ORC4: variants seen among roughly 807,000 people sequenced by gnomAD.
ORC4 encodes the protein origin recognition complex, subunit 4 homolog.
ORC4 carries 55 observed loss-of-function variants against 63.9 expected under a neutral mutation model. The observed-to-expected ratio is 0.86, with a 90% CI of 0.69 to 1.08. ORC4 has a LOEUF of 1.08. ORC4 is among the 50% of genes least tolerant of loss of function. The pLI, the probability that ORC4 is intolerant of heterozygous loss-of-function variation, is 0.00. For missense variants in ORC4, 511 were observed against 504.4 expected, an observed-to-expected ratio of 1.01 and a Z score of -0.13; for synonymous variants, 150 against 168.5, an observed-to-expected ratio of 0.89 and a Z score of 0.85.
At chr2:147,947,557 C>A (rs1371917454) in intron 9 of ORC4, 1 of 152,610 alleles carries the variant, frequency 6.6e-6, no homozygotes, top group Non-Finnish European at 1.5e-5. Flanking sequence ...GATGTGATCA[C>A]CTATTAGATA....
upstream of ORC4, chr2:148,021,442 A>G: frequency 1.8e-6 from 1 of 563,912 alleles, no homozygotes; most frequent in Non-Finnish European, 3.4e-6. Context: ...TCTTAGCAAC[A>G]CAGACCCTTT....
intron 1 of ORC4, among the ~76,000 whole-genome samples, chr2:148,018,481 G>T (rs1693453114): frequency 6.6e-6 from 1 of 152,104 alleles, no homozygotes; most frequent in Non-Finnish European, 1.5e-5. Context: ...ATTCATAATA[G>T]CATTGTTCAT....
chr2:148,010,540 G>A (rs1240348861), intron 1 of ORC4, among the ~76,000 whole-genome samples: 1 of 151,930 alleles, frequency 6.6e-6, no homozygotes, highest in Non-Finnish European at 1.5e-5. Context: ...AAATTCAAAG[G>A]ATCATTGGAG....
chr2:147,986,379 T>C (rs1437023013), intron 1 of ORC4, among the ~76,000 whole-genome samples: 4 of 152,144 alleles, frequency 2.6e-5, no homozygotes, highest in Non-Finnish European at 5.9e-5. Context: ...TTAAAAGCTA[T>C]ACTTGCATCA....
chr2:147,999,679 G>A (rs940429798), intron 1 of ORC4, among the ~76,000 whole-genome samples: 1 of 151,974 alleles, frequency 6.6e-6, no homozygotes, highest in Non-Finnish European at 1.5e-5. Flanking sequence ...CTAGAAAAAA[G>A]GTTTCCAAAC....
chr2:147,962,703 C>T (rs550412933), intron 4 of ORC4, among the ~76,000 whole-genome samples: 22 of 152,130 alleles, frequency 1.4e-4, no homozygotes, highest in African/African-American at 4.8e-4. Context: ...AGGAGAGGCC[C>T]CCGAGCATCC....
At chr2:147,955,197 T>C in intron 7 of ORC4, 150 bp downstream of exon 7, 1 of 613,656 alleles carries the variant, frequency 1.6e-6, no homozygotes, top group Non-Finnish European at 2.9e-6. Context: ...GTTATAGTGG[T>C]GGGAATACAG....
chr2:148,013,990 G>C (rs1693120774), intron 1 of ORC4, among the ~76,000 whole-genome samples: 1 of 152,106 alleles, frequency 6.6e-6, no homozygotes, highest in South Asian at 2.1e-4. Flanking sequence ...TTCCTGTCTA[G>C]AAGAAAAGGC....
At chr2:148,000,682 T>G (rs1692247830) in intron 1 of ORC4, among the ~76,000 whole-genome samples, 1 of 152,098 alleles carries the variant, frequency 6.6e-6, no homozygotes, top group Non-Finnish European at 1.5e-5. Flanking sequence ...CTGCAGCACA[T>G]AAGAATGCTC....
intron 11 of ORC4, among the ~76,000 whole-genome samples, 187 bp downstream of exon 11, chr2:147,938,953 G>A (rs956150598): frequency 3.3e-5 from 5 of 152,076 alleles, no homozygotes; most frequent in Non-Finnish European, 5.9e-5. Flanking sequence ...GAGGCAGAGC[G>A]TCAAATTTTT....
chr2:148,008,467 T>C (rs1195081812), intron 1 of ORC4, among the ~76,000 whole-genome samples: 1 of 152,230 alleles, frequency 6.6e-6, no homozygotes, highest in Non-Finnish European at 1.5e-5. Context: ...AAATTTCTTT[T>C]CAAAGAATTA....
intron 6 of ORC4, among the ~76,000 whole-genome samples, chr2:147,956,768 T>C (rs1277888590): frequency 6.6e-6 from 1 of 152,084 alleles, no homozygotes; most frequent in Non-Finnish European, 1.5e-5. Context: ...CTATATATGA[T>C]AATAATAGCG....
intron 3 of ORC4, among the ~76,000 whole-genome samples, chr2:147,973,113 C>G (rs1386957553): frequency 6.6e-6 from 1 of 152,120 alleles, no homozygotes; most frequent in Admixed American, 6.5e-5. Context: ...TCTCGGGACC[C>G]TTGGATTCAA....
At chr2:147,997,830 A>G (rs1692061044) in intron 1 of ORC4, among the ~76,000 whole-genome samples, 1 of 152,206 alleles carries the variant, frequency 6.6e-6, no homozygotes, top group Non-Finnish European at 1.5e-5. Flanking sequence ...GTACTTTACA[A>G]TTTGAATATA....
chr2:147,958,070 T>TTCTTAGCTA (rs1689363185), intron 6 of ORC4, among the ~76,000 whole-genome samples: 1 of 152,154 alleles, frequency 6.6e-6, no homozygotes, highest in Non-Finnish European at 1.5e-5. Flanking sequence ...AAACTTGGGT[T>TTCTTAGCTA]TCTTAGCTAT....
intron 11 of ORC4, chr2:147,938,657 C>A: frequency 2.3e-6 from 1 of 435,570 alleles, no homozygotes; most frequent in Non-Finnish European, 4.2e-6. Context: ...TATTATCAGG[C>A]ACTCACCATA....
intron 1 of ORC4, among the ~76,000 whole-genome samples, chr2:148,013,460 A>G (rs1397134286): frequency 1.3e-5 from 2 of 152,196 alleles, no homozygotes; most frequent in Non-Finnish European, 2.9e-5. Flanking sequence ...GAGATGGTTA[A>G]TGGGTAGAAA....
At chr2:147,987,458 T>C (rs1373935692) in intron 1 of ORC4, among the ~76,000 whole-genome samples, 1 of 149,322 alleles carries the variant, frequency 6.7e-6, no homozygotes, top group Non-Finnish European at 1.5e-5. Context: ...TACCATAAGG[T>C]AAAAAACAAA....
rs1354475334 is a variant in ORC4, at chr2:147,931,884, T to C, written c.*3626A>G. The C allele has an allele frequency of 6.6e-6, 1 of 151,590 alleles. No individual in the cohort carries two copies. Among genetic ancestry groups the C allele is most frequent in the African/African-American group, 2.4e-5 (1 of 41,234 alleles). The allele number at this position is 151,590 out of a possible 1,614,324, so 9.4% of individuals were successfully genotyped here. Reference sequence around the variant, plus strand: ...GGGCAAAAACTGGAAGCATTCCCTTTGAAAACTGGCACAAGACAGGGATGC... The same window carrying C: ...GGGCAAAAACTGGAAGCATTCCCTTCGAAAACTGGCACAAGACAGGGATGC... On this transcript the variant is annotated 3_prime_UTR_variant, in exon 14 of 14. Transcript: ENST00000392857.
Sources: gnomAD v4.1 joint callset for allele counts (sites outside exome capture counted in the v4.1 genomes callset) on GRCh38, gnomAD v4.1.1 for gene constraint, MANE v1.5 for transcripts, NCBI Gene and HGNC (gene_info 2026-07-23, HGNC 2026-07-21) for gene names.